The following EPB41L3 variants were observed in gnomAD, a reference collection of about 807,000 sequenced individuals.
The protein encoded by EPB41L3 is band 4.1-like protein 3.
Under a neutral mutation model 127.1 loss-of-function variants are expected in EPB41L3, and 57 were observed. The ratio of observed to expected loss-of-function variants is 0.45; its 90% confidence interval spans 0.36 to 0.56. EPB41L3 has a LOEUF of 0.56. EPB41L3 is among the 20% of genes least tolerant of loss of function. The pLI, the probability that EPB41L3 is intolerant of heterozygous loss-of-function variation, is 0.00. For missense variants in EPB41L3, 1,273 were observed against 1,372.2 expected, an observed-to-expected ratio of 0.93 and a Z score of 1.14; for synonymous variants, 572 against 549.5, an observed-to-expected ratio of 1.04 and a Z score of -0.57.
intron 1 of EPB41L3, among the ~76,000 whole-genome samples, chr18:5,496,888 T>C (rs1753064774): frequency 1.3e-5 from 2 of 152,244 alleles, no homozygotes; most frequent in African/African-American, 2.4e-5. Flanking sequence ...TCTGCTGTAG[T>C]GGAGCCTACA....
chr18:5,535,541 C>T (rs1192700478), intron 1 of EPB41L3, among the ~76,000 whole-genome samples: 3 of 152,078 alleles, frequency 2.0e-5, no homozygotes, highest in Non-Finnish European at 4.4e-5. Context: ...TGAAACTACC[C>T]AAAACTCCCT....
At chr18:5,403,188 G>A (rs908454506) in intron 16 of EPB41L3, among the ~76,000 whole-genome samples, 1 of 152,146 alleles carries the variant, frequency 6.6e-6, no homozygotes, top group Non-Finnish European at 1.5e-5. Context: ...CATACCACAT[G>A]TCTACCCTTC....
chr18:5,486,756 A>G (rs9947755), intron 2 of EPB41L3, among the ~76,000 whole-genome samples: 6,132 of 152,292 alleles, frequency 0.04, 229 homozygotes, highest in African/African-American at 0.1. Flanking sequence ...AGAGAAATGC[A>G]AATCAAGACC....
chr18:5,514,078 T>G (rs1386884076), intron 1 of EPB41L3, among the ~76,000 whole-genome samples: 1 of 152,230 alleles, frequency 6.6e-6, no homozygotes, highest in Non-Finnish European at 1.5e-5. Flanking sequence ...TTTTCCCCAG[T>G]ATGTCTTGTG....
chr18:5,582,253 G>A (rs1195346836), intron 3 of EPB41L3, among the ~76,000 whole-genome samples: 1 of 152,144 alleles, frequency 6.6e-6, no homozygotes, highest in East Asian at 1.9e-4. Context: ...TGAGGAGGCT[G>A]TAACATGACA....
intron 1 of EPB41L3, among the ~76,000 whole-genome samples, chr18:5,506,805 C>T (rs1361208555): frequency 6.6e-6 from 1 of 152,084 alleles, no homozygotes; most frequent in South Asian, 2.1e-4. Context: ...CTTAGCAGGT[C>T]CTCATTAGAT....
At position 5,571,538 on chromosome 18, in the gene EPB41L3, G is replaced by A. The variant is rs539086639; in HGVS notation, c.-306+40802C>T. ...ATGGCATTTCATTTCTAGGCAGTGGGTTGGTTTCATGAGTCCTAACCCAAA... is the reference window on the plus strand; with the variant it reads ...ATGGCATTTCATTTCTAGGCAGTGGATTGGTTTCATGAGTCCTAACCCAAA... On this transcript the variant is annotated intron_variant, in intron 3 of 21. Transcript: ENST00000545076. Among the ~76,000 whole-genome samples, 25 of 152,328 alleles carry A rather than the reference G, an allele frequency of 1.6e-4. No homozygotes were observed. In the South Asian group the frequency reaches 4.6e-3, roughly 28 times the overall value.
intron 3 of EPB41L3, among the ~76,000 whole-genome samples, chr18:5,450,641 TA>T (rs77142688): frequency 0.049 from 7,316 of 149,246 alleles, 397 homozygotes; most frequent in East Asian, 0.25. Context: ...AAAAGGTTAG[TA>T]AAAAAAAAAG....
intron 1 of EPB41L3, among the ~76,000 whole-genome samples, chr18:5,490,492 G>C (rs1357632721): frequency 6.6e-6 from 1 of 152,046 alleles, no homozygotes; most frequent in Non-Finnish European, 1.5e-5. Flanking sequence ...TGCTATATCT[G>C]GGTTTTCTAT....
intron 16 of EPB41L3, chr18:5,399,202 G>A: frequency 2.5e-6 from 1 of 399,006 alleles, no homozygotes. Flanking sequence ...TCTTCTTTCA[G>A]TTGCATTTCT....
At chr18:5,630,468 G>A (rs1025211032), upstream of EPB41L3, 1 of 518,946 alleles carries the variant, frequency 1.9e-6, no homozygotes, top group Non-Finnish European at 3.8e-6. Context: ...AGTAGCGCAA[G>A]GGCAGAGAGA....
At chr18:5,536,467 C>T (rs980473579) in intron 1 of EPB41L3, among the ~76,000 whole-genome samples, 1 of 149,896 alleles carries the variant, frequency 6.7e-6, no homozygotes, top group Non-Finnish European at 1.5e-5. Context: ...GATTTGCATG[C>T]ATGAAAAAGC....
At chr18:5,475,013 A>G (rs2086895578) in intron 3 of EPB41L3, among the ~76,000 whole-genome samples, 11 of 152,158 alleles carry the variant, frequency 7.2e-5, no homozygotes, top group Admixed American at 7.2e-4. Flanking sequence ...TTTATACATA[A>G]AAGTTATGAT....
At chr18:5,473,922 GA>G (rs541306007) in intron 3 of EPB41L3, among the ~76,000 whole-genome samples, 42 of 151,872 alleles carry the variant, frequency 2.8e-4, no homozygotes, top group Admixed American at 2.0e-3. Context: ...GACTGAGTTT[GA>G]AAAAAAATTA....
chr18:5,501,938 T>C (rs2091779377), intron 1 of EPB41L3, among the ~76,000 whole-genome samples: 1 of 152,200 alleles, frequency 6.6e-6, no homozygotes, highest in African/African-American at 2.4e-5. Context: ...GGCTGTTCAC[T>C]GTGGGCCTGT....
intron 1 of EPB41L3, among the ~76,000 whole-genome samples, chr18:5,507,415 T>C (rs2092278637): frequency 6.6e-6 from 1 of 152,170 alleles, no homozygotes; most frequent in African/African-American, 2.4e-5. Context: ...CATTAATAAA[T>C]GCCATTTATT....
At position 5,551,580 on chromosome 18, in the gene EPB41L3, C is replaced by T. The variant is rs549744007; in HGVS notation, c.-306+60760G>A. Among the ~76,000 whole-genome samples the T allele has an allele frequency of 5.9e-5, 9 of 152,114 alleles. No individual in the cohort carries two copies. In the South Asian group the frequency reaches 1.5e-3, roughly 25 times the overall value. The stretch of plus-strand genomic sequence containing the variant: ...ACAAAAAATTTTACAATTAGCCTGG[C>T]GTAGTGGAGCATGCCTGTGGTCCCA... On this transcript the variant is annotated intron_variant, in intron 3 of 21. Transcript: ENST00000545076.
intron 3 of EPB41L3, among the ~76,000 whole-genome samples, chr18:5,467,818 T>C (rs2085283051): frequency 6.6e-6 from 1 of 152,198 alleles, no homozygotes; most frequent in South Asian, 2.1e-4. Context: ...GCCGCTGCCA[T>C]GACACCAGCT....
At chr18:5,553,031 T>C (rs1245801713) in intron 3 of EPB41L3, among the ~76,000 whole-genome samples, 4 of 152,190 alleles carry the variant, frequency 2.6e-5, no homozygotes, top group East Asian at 1.9e-4. Context: ...TGAGAACACA[T>C]TGCATTGGCT....
Sources: allele counts gnomAD v4.1 joint callset (sites outside exome capture counted in the v4.1 genomes callset), GRCh38; gene constraint gnomAD v4.1.1; transcripts MANE v1.5; gene names NCBI Gene and HGNC (gene_info 2026-07-23, HGNC 2026-07-21).